Variants in TSPAN18 observed in about 807,000 individuals in gnomAD.
TSPAN18 encodes the protein tetraspanin 18, also known as tetraspanin-18.
In TSPAN18, 14 loss-of-function variants were observed where a neutral mutation model predicts 27.3. That is an observed-to-expected ratio of 0.51 (90% CI 0.34 to 0.80). The LOEUF is 0.80. Ranked by LOEUF, TSPAN18 falls within the 30% of genes least tolerant of loss-of-function variation. TSPAN18 has a pLI of 0.01. For synonymous variants in TSPAN18, 143 were observed against 136.5 expected (o/e 1.05, Z -0.33); for missense variants, 268 against 323.9 (o/e 0.83, Z 1.32).
At chr11:44,811,972 G>A (rs1474750372) in intron 2 of TSPAN18, among the ~76,000 whole-genome samples, 1 of 152,206 alleles carries the variant, frequency 6.6e-6, no homozygotes, top group Non-Finnish European at 1.5e-5. Context: ...AGTTAGCCCT[G>A]TGAGTGGGCA....
At chr11:44,730,556 C>A (rs527364238) in intron 1 of TSPAN18, among the ~76,000 whole-genome samples, 73 of 151,866 alleles carry the variant, frequency 4.8e-4, no homozygotes, top group Non-Finnish European at 8.2e-4. Context: ...CTCCTCCTGC[C>A]ACCCGGGCTG....
chr11:44,828,877 C>T (rs962109342), intron 2 of TSPAN18, among the ~76,000 whole-genome samples: 3 of 152,168 alleles, frequency 2.0e-5, no homozygotes, highest in African/African-American at 7.2e-5. Context: ...GCTCTTGAAT[C>T]TACCCTCTTC....
chr11:44,827,400 A>C (rs980622487), intron 2 of TSPAN18, among the ~76,000 whole-genome samples: 1 of 152,214 alleles, frequency 6.6e-6, no homozygotes, highest in Non-Finnish European at 1.5e-5. Context: ...ATGTCTGTGC[A>C]GACAGGTGTG....
chr11:44,929,392 G>T lies in TSPAN18; in HGVS notation c.*214G>T. 2 of 624,136 alleles carry T rather than the reference G, an allele frequency of 3.2e-6. No individual in the cohort carries two copies. The highest frequency in any genetic ancestry group is 5.7e-5 in the East Asian group (2 of 35,050). 38.7% of individuals were successfully genotyped at this position (624,136 alleles called of 1,614,324 possible). On this transcript the variant is annotated 3_prime_UTR_variant, in exon 10 of 10. Coordinates refer to ENST00000520358, the MANE Select transcript of TSPAN18 (RefSeq NM_130783.5). ...CTGATGTATCCTCGCCTGGACTCAG[G>T]GCAGGTGCCGTGGGTTCTCCAGAGA...
intron 1 of TSPAN18, among the ~76,000 whole-genome samples, chr11:44,757,216 G>A (rs1381577347): frequency 6.6e-6 from 1 of 152,044 alleles, no homozygotes; most frequent in Non-Finnish European, 1.5e-5. Flanking sequence ...CACCAACAGT[G>A]GGAACAGGGT....
At chr11:44,899,909 A>T (rs1221321133) in intron 3 of TSPAN18, among the ~76,000 whole-genome samples, 2 of 152,202 alleles carry the variant, frequency 1.3e-5, no homozygotes, top group Non-Finnish European at 2.9e-5. Flanking sequence ...CAGGGAGGGC[A>T]TCATGTCCCA....
At chr11:44,904,025 G>C (rs1014151554) in intron 3 of TSPAN18, 2 of 368,882 alleles carry the variant, frequency 5.4e-6, no homozygotes, top group African/African-American at 4.2e-5. Flanking sequence ...GACTTGGGTG[G>C]ATGATCTCAG....
rs568040346 is a variant in TSPAN18, at chr11:44,802,417, G to A, written c.-153+37905G>A. Among the ~76,000 whole-genome samples the A allele has an allele frequency of 3.5e-4, 53 of 152,194 alleles. No individual in the cohort carries two copies. In the Middle Eastern group the frequency reaches 0.02, roughly 59 times the overall value. On this transcript the variant is annotated intron_variant, in intron 2 of 9. Transcript: ENST00000520358. Reference sequence around the variant, plus strand: ...GGTTTTATTCTAAGTGCAATGAGAAGCCTTCAGAGAGTTTTAAGCAGAGAA... The same window carrying A: ...GGTTTTATTCTAAGTGCAATGAGAAACCTTCAGAGAGTTTTAAGCAGAGAA...
intron 1 of TSPAN18, among the ~76,000 whole-genome samples, chr11:44,728,594 AG>A (rs1026365143): frequency 2.6e-5 from 4 of 152,092 alleles, no homozygotes; most frequent in Non-Finnish European, 5.9e-5. Flanking sequence ...ATTTCTCAGC[AG>A]TCAACGAGCC....
chr11:44,790,546 T>G (rs1054736516), intron 2 of TSPAN18, among the ~76,000 whole-genome samples: 92 of 124,202 alleles, frequency 7.4e-4, no homozygotes, highest in African/African-American at 2.7e-3. Flanking sequence ...GTGTGCATGT[T>G]TGTGTGTGCA....
At chr11:44,802,849 A>T (rs1003975797) in intron 2 of TSPAN18, among the ~76,000 whole-genome samples, 10 of 152,210 alleles carry the variant, frequency 6.6e-5, no homozygotes, top group African/African-American at 1.9e-4. Context: ...GCTCAGACCC[A>T]TTCCTTTTAT....
chr11:44,731,550 A>G (rs187168912), intron 1 of TSPAN18, among the ~76,000 whole-genome samples: 31 of 149,590 alleles, frequency 2.1e-4, no homozygotes, highest in African/African-American at 7.6e-4. Context: ...TTATTGTAAA[A>G]TGGGAGGGAT....
chr11:44,778,046 A>G (rs1855854819), intron 2 of TSPAN18, among the ~76,000 whole-genome samples: 1 of 152,028 alleles, frequency 6.6e-6, no homozygotes, highest in Admixed American at 6.5e-5. Flanking sequence ...GCAGATGGGA[A>G]TTATGCTCCA....
intron 2 of TSPAN18, among the ~76,000 whole-genome samples, chr11:44,828,073 T>G (rs1857080997): frequency 6.6e-6 from 1 of 152,178 alleles, no homozygotes; most frequent in Non-Finnish European, 1.5e-5. Flanking sequence ...CTTATTGTTA[T>G]CATTATTATG....
intron 2 of TSPAN18, among the ~76,000 whole-genome samples, chr11:44,784,287 A>T (rs1345856529): frequency 6.6e-6 from 1 of 152,182 alleles, no homozygotes; most frequent in African/African-American, 2.4e-5. Context: ...CCAGTGACAT[A>T]TGAGGACCAA....
chr11:44,918,068 T>G (rs776165997), intron 6 of TSPAN18, 22 bp downstream of exon 6: 1 of 1,612,928 alleles, frequency 6.2e-7, no homozygotes, highest in Non-Finnish European at 8.5e-7. Flanking sequence ...GCCCCAAGCT[T>G]TCCTGCCTCC....
At chr11:44,751,632 T>C (rs1855212473) in intron 1 of TSPAN18, among the ~76,000 whole-genome samples, 1 of 152,082 alleles carries the variant, frequency 6.6e-6, no homozygotes, top group Non-Finnish European at 1.5e-5. Context: ...AAAAGTCACA[T>C]ATAAGGCTGG....
At chr11:44,896,779 G>A (rs908290531) in intron 3 of TSPAN18, among the ~76,000 whole-genome samples, 11 of 151,690 alleles carry the variant, frequency 7.3e-5, no homozygotes, top group African/African-American at 2.2e-4. Context: ...TCTCCTCCAC[G>A]CTGCCACCAC....
At chr11:44,925,293 C>T (rs958195088) in intron 8 of TSPAN18, among the ~76,000 whole-genome samples, 2 of 152,254 alleles carry the variant, frequency 1.3e-5, no homozygotes, top group Admixed American at 6.5e-5. Context: ...GAGGTCTTGG[C>T]ATCTGCATTG....
Sources: allele counts gnomAD v4.1 joint callset (sites outside exome capture counted in the v4.1 genomes callset), GRCh38; gene constraint gnomAD v4.1.1; transcripts MANE v1.5; gene names NCBI Gene and HGNC (gene_info 2026-07-23, HGNC 2026-07-21).